DACH1: variants seen among roughly 807,000 people sequenced by gnomAD.
The protein encoded by DACH1 is dachshund family transcription factor 1, also known as dachshund homolog 1.
Under a neutral mutation model 54.2 loss-of-function variants are expected in DACH1, and 12 were observed. The observed-to-expected ratio is 0.22, with a 90% CI of 0.14 to 0.36. DACH1 has a LOEUF of 0.36. Ranked by LOEUF, DACH1 falls within the 10% of genes least tolerant of loss-of-function variation. The pLI is 1.00. For missense variants in DACH1, 805 were observed against 929.8 expected (o/e 0.87, Z 1.75); for synonymous variants, 386 against 366.2 (o/e 1.05, Z -0.62).
intron 1 of DACH1, among the ~76,000 whole-genome samples, chr13:71,825,208 A>G (rs532337842): frequency 3.9e-5 from 6 of 152,102 alleles, no homozygotes; most frequent in Non-Finnish European, 8.8e-5. Context: ...CTCATATTTT[A>G]CTTAAGAATT....
At chr13:71,703,661 G>A (rs1414235119) in intron 1 of DACH1, among the ~76,000 whole-genome samples, 1 of 151,864 alleles carries the variant, frequency 6.6e-6, no homozygotes, top group Non-Finnish European at 1.5e-5. Flanking sequence ...ACCTTTATGT[G>A]AAAAGAAACT....
At chr13:71,563,270 T>G (rs185594542) in intron 4 of DACH1, among the ~76,000 whole-genome samples, 1 of 152,172 alleles carries the variant, frequency 6.6e-6, no homozygotes, top group Admixed American at 6.5e-5. Flanking sequence ...AACATTTTTC[T>G]TAATCATTAT....
chr13:71,447,330 A>G (rs1351547051), intron 10 of DACH1, among the ~76,000 whole-genome samples: 1 of 151,870 alleles, frequency 6.6e-6, no homozygotes, highest in Non-Finnish European at 1.5e-5. Context: ...GGAGACAGAC[A>G]GGAGAATTCT....
chr13:71,780,853 G>C (rs1042246016), intron 1 of DACH1, among the ~76,000 whole-genome samples: 4 of 152,068 alleles, frequency 2.6e-5, no homozygotes, highest in African/African-American at 9.7e-5. Flanking sequence ...CTAAGAATAG[G>C]CCGGTCTCAG....
chr13:71,757,577 A>C (rs1419644297), intron 1 of DACH1, among the ~76,000 whole-genome samples: 1 of 147,546 alleles, frequency 6.8e-6, no homozygotes, highest in African/African-American at 2.5e-5. Context: ...AGGCTGGAGT[A>C]CAATGGTGCA....
At chr13:71,702,272 C>T (rs1389953078) in intron 1 of DACH1, among the ~76,000 whole-genome samples, 2 of 152,144 alleles carry the variant, frequency 1.3e-5, no homozygotes, top group Non-Finnish European at 2.9e-5. Context: ...AAATGAAAAT[C>T]ATACAGCATA....
At chr13:71,518,220 T>C (rs967399876) in intron 6 of DACH1, among the ~76,000 whole-genome samples, 3 of 151,790 alleles carry the variant, frequency 2.0e-5, no homozygotes, top group Admixed American at 2.0e-4. Flanking sequence ...AGACCTTTAA[T>C]CTATTAGGAC....
rs746479441 is a variant in DACH1, at chr13:71,681,811, C to A, written c.948G>T (p.Gly316=). The A allele has an allele frequency of 1.2e-6, 2 of 1,613,584 alleles. No individual in the cohort carries two copies. Among genetic ancestry groups the A allele is most frequent in the South Asian group, 1.1e-5 (1 of 91,006 alleles). Residue 316 remains glycine (G), a synonymous_variant, in exon 2 of 11, where the codon GGG becomes GGT. Transcript: ENST00000613252. The stretch of plus-strand genomic sequence containing the variant: ...CAGTCTTACCTGTTGGTGGAATTAT[C>A]CCAGGAGACATGAGACCAGGGACAG... ...PHSVPGLMSP[G]IIPPTGLTAA...
At chr13:71,722,222 A>C (rs779015949) in intron 1 of DACH1, among the ~76,000 whole-genome samples, 10 of 152,308 alleles carry the variant, frequency 6.6e-5, no homozygotes, top group Middle Eastern at 3.4e-3. Context: ...GAAGTTTAGT[A>C]AGTTTTGTTT....
rs908485878 is a variant in DACH1, at chr13:71,742,535, GA to G, written c.849-60626del. Among the ~76,000 whole-genome samples the G allele has an allele frequency of 2.4e-4, 36 of 151,552 alleles. No individual in the cohort carries two copies. The South Asian group carries it at 3.8e-3, about 16-fold the overall frequency. ...ATTTATTCATATTTACTCCATTGGG[GA>G]AAAAAAAGGAAGAAAAATGCAAAGA... is the stretch of plus-strand genomic sequence containing the variant. On this transcript the variant is annotated intron_variant, in intron 1 of 10. Coordinates refer to ENST00000613252, the MANE Select transcript of DACH1 (RefSeq NM_080759.6).
At chr13:71,523,936 T>A (rs538945135) in intron 6 of DACH1, among the ~76,000 whole-genome samples, 2 of 152,252 alleles carry the variant, frequency 1.3e-5, no homozygotes, top group East Asian at 3.9e-4. Context: ...CCACAGTGCA[T>A]GTCAAATGCA....
chr13:71,500,512 C>T (rs943239693), intron 6 of DACH1, among the ~76,000 whole-genome samples: 12 of 151,974 alleles, frequency 7.9e-5, no homozygotes, highest in East Asian at 3.9e-4. Context: ...CTAATTTGCA[C>T]GTAACTTTTA....
Position 71,565,177 on chromosome 13 carries a change from G to A in DACH1, c.1300-5222C>T, listed in dbSNP as rs1478507620. On this transcript the variant is annotated intron_variant, in intron 4 of 10. Transcript: ENST00000613252. ...CAGCCTAGGCCTCCCAAAGTGCTGGGATTACAGCTGTGAGCCACCGTGCCC... is the reference window on the plus strand; with the variant it reads ...CAGCCTAGGCCTCCCAAAGTGCTGGAATTACAGCTGTGAGCCACCGTGCCC... Among the ~76,000 whole-genome samples the A allele has an allele frequency of 2.0e-5, 3 of 152,084 alleles. No individual in the cohort carries two copies. In the East Asian group the frequency reaches 5.8e-4, roughly 29 times the overall value.
chr13:71,668,801 TG>T (rs1880034594), intron 2 of DACH1, among the ~76,000 whole-genome samples: 1 of 152,078 alleles, frequency 6.6e-6, no homozygotes, highest in South Asian at 2.1e-4. Context: ...GATGGGCGCC[TG>T]TAATCCCAGC....
chr13:71,535,849 T>C (rs957278281), intron 6 of DACH1, among the ~76,000 whole-genome samples: 1 of 152,024 alleles, frequency 6.6e-6, no homozygotes, highest in Non-Finnish European at 1.5e-5. Context: ...TAGTTTAACA[T>C]TGTCTTCCAA....
rs186396257 is a variant in DACH1 at position 71,481,899 on chromosome 13, G to A, written c.1723-2583C>T. On this transcript the variant is annotated intron_variant, in intron 7 of 10. Coordinates refer to ENST00000613252, the MANE Select transcript of DACH1 (RefSeq NM_080759.6). ...TCTGTAAAATTTCCAGGTTGATCAC[G>A]TGCAAACGGTCACGTTAAATGCTGC... Among the ~76,000 whole-genome samples, 16 of 152,244 alleles carry A rather than the reference G, an allele frequency of 1.1e-4. No individual in the cohort carries two copies. The East Asian group carries it at 2.1e-3, about 20-fold the overall frequency.
intron 3 of DACH1, among the ~76,000 whole-genome samples, chr13:71,582,589 C>T (rs1872930366): frequency 6.6e-6 from 1 of 152,076 alleles, no homozygotes; most frequent in Non-Finnish European, 1.5e-5. Flanking sequence ...ATGGAGATGG[C>T]TGCCTTTAAA....
At chr13:71,559,524 T>C (rs1184966652) in intron 5 of DACH1, among the ~76,000 whole-genome samples, 1 of 152,194 alleles carries the variant, frequency 6.6e-6, no homozygotes, top group Non-Finnish European at 1.5e-5. Flanking sequence ...TATTTGAGAA[T>C]TGGCTGTGTT....
At chr13:71,783,896 A>G (rs751608950) in intron 1 of DACH1, among the ~76,000 whole-genome samples, 2 of 150,598 alleles carry the variant, frequency 1.3e-5, no homozygotes, top group Non-Finnish European at 3.0e-5. Context: ...GGATAGTATT[A>G]ACTCTATTTA....
Sources: gnomAD v4.1 joint callset for allele counts (sites outside exome capture counted in the v4.1 genomes callset) on GRCh38, gnomAD v4.1.1 for gene constraint, MANE v1.5 for transcripts, NCBI Gene and HGNC (gene_info 2026-07-23, HGNC 2026-07-21) for gene names.